The following YWHAQ variants were observed in gnomAD, a reference collection of about 807,000 sequenced individuals.
YWHAQ encodes tyrosine 3-monooxygenase/tryptophan 5-monooxygenase activation protein theta.
YWHAQ carries 6 observed loss-of-function variants against 28.3 expected under a neutral mutation model. The observed-to-expected ratio is 0.21, with a 90% CI of 0.12 to 0.42. The LOEUF is 0.42. Among genes scored for constraint, YWHAQ ranks in the 10% least tolerant of loss-of-function variants. YWHAQ has a pLI of 1.00. For synonymous variants in YWHAQ, 143 were observed against 119.1 expected, an observed-to-expected ratio of 1.20 and a Z score of -1.31; for missense variants, 201 against 305.6, an observed-to-expected ratio of 0.66 and a Z score of 2.55.
chr2:9,613,942 TA>T (rs749049860), intron 2 of YWHAQ, among the ~76,000 whole-genome samples: 1 of 152,158 alleles, frequency 6.6e-6, no homozygotes, highest in African/African-American at 2.4e-5. Context: ...CATGAGGCAA[TA>T]AAGTAAGGGT....
chr2:9,594,100 T>C (rs570928609), intron 2 of YWHAQ, among the ~76,000 whole-genome samples: 23 of 151,964 alleles, frequency 1.5e-4, no homozygotes, highest in African/African-American at 5.1e-4. Context: ...AGTTGGAAAG[T>C]TGCTGAGCCA....
At chr2:9,626,346 C>T (rs1391202856) in intron 2 of YWHAQ, among the ~76,000 whole-genome samples, 1 of 152,022 alleles carries the variant, frequency 6.6e-6, no homozygotes, top group Non-Finnish European at 1.5e-5. Context: ...GCTTTGTGAA[C>T]CCCTCTAACT....
At chr2:9,594,034 C>T (rs1214209494) in intron 2 of YWHAQ, among the ~76,000 whole-genome samples, 13 of 150,800 alleles carry the variant, frequency 8.6e-5, no homozygotes, top group South Asian at 4.2e-4. Context: ...AATTATGTAT[C>T]GAAGTCTCAG....
At chr2:9,622,337 T>C (rs554668918) in intron 2 of YWHAQ, among the ~76,000 whole-genome samples, 1 of 152,362 alleles carries the variant, frequency 6.6e-6, no homozygotes, top group South Asian at 2.1e-4. Context: ...ATACACTATG[T>C]ACTTTTTCAT....
At chr2:9,603,343 C>T (rs951190301) in intron 2 of YWHAQ, among the ~76,000 whole-genome samples, 1 of 150,696 alleles carries the variant, frequency 6.6e-6, no homozygotes, top group Admixed American at 6.6e-5. Flanking sequence ...GATCTCAGCT[C>T]ACTGCAACCC....
chr2:9,600,849 C>T (rs1666679074), intron 2 of YWHAQ, among the ~76,000 whole-genome samples: 1 of 152,210 alleles, frequency 6.6e-6, no homozygotes, highest in South Asian at 2.1e-4. Flanking sequence ...AGGCAAGACC[C>T]TCCACCAGCA....
intron 2 of YWHAQ, chr2:9,620,636 A>G (rs1211607175): frequency 6.6e-6 from 1 of 152,228 alleles, no homozygotes; most frequent in Non-Finnish European, 1.5e-5. Context: ...AGACATTCCA[A>G]CATACCAGAT....
chr2:9,605,940 A>G (rs1258599975), intron 2 of YWHAQ, among the ~76,000 whole-genome samples: 1 of 152,178 alleles, frequency 6.6e-6, no homozygotes, highest in Non-Finnish European at 1.5e-5. Context: ...CACACTACAC[A>G]TTATTCTACA....
At chr2:9,606,383 C>T (rs1273842817) in intron 2 of YWHAQ, among the ~76,000 whole-genome samples, 6 of 151,394 alleles carry the variant, frequency 4.0e-5, no homozygotes, top group East Asian at 1.9e-4. Flanking sequence ...CTGGGAAACA[C>T]GGTGAAACCC....
chr2:9,603,995 T>A (rs1457826758), intron 2 of YWHAQ, among the ~76,000 whole-genome samples: 2 of 152,138 alleles, frequency 1.3e-5, no homozygotes, highest in African/African-American at 2.4e-5. Context: ...TGGCCTCAGA[T>A]AGCTCCTCTA....
In YWHAQ at chr2:9,630,067, G is replaced by A. The variant is rs1216868652; in HGVS notation, c.294+92C>T. Reference sequence around the variant, plus strand: ...TCCACCCCAGCAGACAGTCCGGCAAGCCCCGGCTCACGTTTGTTTCCGTGC... The same window carrying A: ...TCCACCCCAGCAGACAGTCCGGCAAACCCCGGCTCACGTTTGTTTCCGTGC... On this transcript the variant is annotated intron_variant, in intron 2 of 5. Coordinates refer to ENST00000238081, the MANE Select transcript of YWHAQ (RefSeq NM_006826.4). This position sits in a 1 kb window ranked among gnomAD's most constrained non-coding sequence, Gnocchi z 5.6. 7 of 1,516,836 alleles carry A rather than the reference G, an allele frequency of 4.6e-6. No individual in the cohort carries two copies. Among genetic ancestry groups the A allele is most frequent in the African/African-American group, 1.4e-5 (1 of 72,966 alleles). The allele number at this position is 1,516,836 out of a possible 1,614,324, so 94.0% of individuals were successfully genotyped here.
At chr2:9,623,199 A>G (rs1220701341) in intron 2 of YWHAQ, among the ~76,000 whole-genome samples, 2 of 152,216 alleles carry the variant, frequency 1.3e-5, no homozygotes, top group African/African-American at 2.4e-5. Flanking sequence ...GAACAAGGAG[A>G]TAAGACGTTA....
intron 2 of YWHAQ, among the ~76,000 whole-genome samples, chr2:9,599,615 G>T (rs1245596807): frequency 6.6e-6 from 1 of 152,106 alleles, no homozygotes; most frequent in African/African-American, 2.4e-5. Context: ...CTGGATGACG[G>T]CATCTGTTTA....
At chr2:9,597,896 C>G (rs1248502107) in intron 2 of YWHAQ, among the ~76,000 whole-genome samples, 1 of 150,872 alleles carries the variant, frequency 6.6e-6, no homozygotes, top group Non-Finnish European at 1.5e-5. Context: ...CTCGGCTCAC[C>G]GCAACCTCTG....
intron 2 of YWHAQ, among the ~76,000 whole-genome samples, chr2:9,610,289 G>C (rs1666918072): frequency 1.3e-5 from 2 of 152,216 alleles, no homozygotes; most frequent in South Asian, 4.2e-4. Flanking sequence ...TCACAAATTT[G>C]CTCCTTACCT....
intron 5 of YWHAQ, among the ~76,000 whole-genome samples, chr2:9,585,581 A>G (rs1273191952): frequency 6.6e-6 from 1 of 151,798 alleles, no homozygotes; most frequent in Non-Finnish European, 1.5e-5. Flanking sequence ...TACATATACC[A>G]CTGGAGCATG....
Position 9,598,011 on chromosome 2 carries a change from T to TTTTTTTTTTTTTTTTTG in YWHAQ, c.295-6497_295-6496insCAAAAAAAAAAAAAAAA, listed in dbSNP as rs1397521514. On this transcript the variant is annotated intron_variant, in intron 2 of 5. Transcript: ENST00000238081. ...TTTTTTTTTTTTTTTTTTTTTTTTT[T>TTTTTTTTTTTTTTTTTG]TTAGTAGAGACAAGGTTTCTCCATG... Among the ~76,000 whole-genome samples, 22 of 137,214 alleles carry TTTTTTTTTTTTTTTTTG rather than the reference T, an allele frequency of 1.6e-4. 1 individual carries two copies. Among genetic ancestry groups the TTTTTTTTTTTTTTTTTG allele is most frequent in the Non-Finnish European group, 1.8e-4 (11 of 62,520 alleles). The allele number at this position is 137,214 out of a possible 152,430, so 90.0% of individuals were successfully genotyped here. A position where few individuals can be genotyped will look rare whatever the true frequency, so the allele number is the denominator to read the frequency against.
At chr2:9,618,500 T>C (rs369895893) in intron 2 of YWHAQ, among the ~76,000 whole-genome samples, 1 of 151,996 alleles carries the variant, frequency 6.6e-6, no homozygotes, top group Non-Finnish European at 1.5e-5. Flanking sequence ...CTCTTTAGAG[T>C]TGTCTTTGTT....
intron 2 of YWHAQ, among the ~76,000 whole-genome samples, chr2:9,602,877 AT>A (rs1252628741): frequency 4.5e-5 from 2 of 44,098 alleles, no homozygotes; most frequent in African/African-American, 1.7e-4. Context: ...ATATATATAT[AT>A]ATATATATAT....
Sources: allele counts gnomAD v4.1 joint callset (sites outside exome capture counted in the v4.1 genomes callset), GRCh38; gene constraint gnomAD v4.1.1; non-coding constraint Gnocchi (gnomAD v3.1); transcripts MANE v1.5; gene names NCBI Gene and HGNC (gene_info 2026-07-23, HGNC 2026-07-21).